Variants in SMARCA2 observed in about 807,000 individuals in gnomAD.
SMARCA2 encodes SWI/SNF related BAF chromatin remodeling complex subunit ATPase 2.
In SMARCA2, 61 loss-of-function variants were observed where a neutral mutation model predicts 199.8. That is an observed-to-expected ratio of 0.31 (90% CI 0.25 to 0.38). SMARCA2 has a LOEUF of 0.38. Ranked by LOEUF, SMARCA2 falls within the 10% of genes least tolerant of loss-of-function variation. SMARCA2 has a pLI of 1.00. For missense variants in SMARCA2, 1,344 were observed against 2,012.2 expected, an observed-to-expected ratio of 0.67 and a Z score of 6.35; for synonymous variants, 935 against 732.0, an observed-to-expected ratio of 1.28 and a Z score of -4.48.
At chr9:2,031,917 G>T (rs1819088594) in intron 2 of SMARCA2, among the ~76,000 whole-genome samples, 1 of 152,180 alleles carries the variant, frequency 6.6e-6, no homozygotes, top group African/African-American at 2.4e-5. Context: ...AAATAAACAA[G>T]TGGCCTAAAT....
chr9:2,081,383 C>A (rs1432683349), intron 14 of SMARCA2, among the ~76,000 whole-genome samples: 1 of 152,206 alleles, frequency 6.6e-6, no homozygotes. Flanking sequence ...GTGTCCCTGG[C>A]TCCCTGGTCA....
At chr9:2,019,058 A>T (rs746132405) in intron 1 of SMARCA2, among the ~76,000 whole-genome samples, 2 of 152,078 alleles carry the variant, frequency 1.3e-5, no homozygotes, top group Non-Finnish European at 2.9e-5. Context: ...CTTCTTTACA[A>T]TGCAAATGTT....
chr9:2,020,040 T>C (rs1818533065), intron 1 of SMARCA2, among the ~76,000 whole-genome samples: 2 of 152,188 alleles, frequency 1.3e-5, no homozygotes, highest in South Asian at 4.1e-4. Context: ...ATTTAACCAC[T>C]TTAAGATTTG....
chr9:2,070,394 A>G, intron 9 of SMARCA2, 24 bp from the exon 10 acceptor site: 1 of 1,609,940 alleles, frequency 6.2e-7, no homozygotes, highest in South Asian at 1.1e-5. Flanking sequence ...GTTACTTATA[A>G]CATTCGACAT....
intron 20 of SMARCA2, 200 bp from the exon 21 acceptor site, chr9:2,097,185 C>CGTAA (rs999951521): frequency 1.9e-6 from 1 of 519,192 alleles, no homozygotes; most frequent in African/African-American, 1.9e-5. Context: ...TTTTTTGTAG[C>CGTAA]GTAAGTTAAT....
intron 3 of SMARCA2, 163 bp downstream of exon 3, chr9:2,033,244 C>G: frequency 1.5e-6 from 1 of 652,294 alleles, no homozygotes; most frequent in Admixed American, 3.3e-5. Context: ...ACCAATACAA[C>G]CTGATGATTT....
rs1315191654 is a variant in SMARCA2, at chr9:2,130,815, G to A, written c.3981+6878G>A. On this transcript the variant is annotated intron_variant, in intron 27 of 33. Transcript: ENST00000349721. ...CATATATTTGCTTCTTTATATGTAA[G>A]AGCAGGCATTCCATCTACCTAAATT... 4.6e-5 allele frequency among the ~76,000 whole-genome samples: 7 copies of A among 152,278 alleles called. No individual in the cohort carries two copies. The East Asian group carries it at 9.6e-4, about 21-fold the overall frequency.
intron 9 of SMARCA2, among the ~76,000 whole-genome samples, chr9:2,063,962 GGAA>G (rs1271572049): frequency 2.6e-5 from 4 of 152,136 alleles, no homozygotes; most frequent in South Asian, 2.1e-4. Flanking sequence ...CCCTTGAAAT[GGAA>G]GAAGAAGAAG....
chr9:2,031,064 A>T (rs897180464), intron 2 of SMARCA2, among the ~76,000 whole-genome samples: 2 of 152,200 alleles, frequency 1.3e-5, no homozygotes, highest in South Asian at 4.1e-4. Flanking sequence ...AATACTGTGT[A>T]AGCACAGATA....
At chr9:2,107,363 G>T (rs1822801679) in intron 23 of SMARCA2, among the ~76,000 whole-genome samples, 1 of 152,194 alleles carries the variant, frequency 6.6e-6, no homozygotes, top group African/African-American at 2.4e-5. Context: ...GTCTCGCTCT[G>T]TCCCCCAGGC....
chr9:2,192,823 G>C lies in SMARCA2; in HGVS notation c.*84G>C. On this transcript the variant is annotated 3_prime_UTR_variant, in exon 34 of 34. Transcript: ENST00000349721. ...ACCCAGTGAGTTCATTTGTCATATA[G>C]GCACTGGGTTGTTTCTATATCATCA... is the stretch of plus-strand genomic sequence containing the variant. 1.0e-6 allele frequency: 1 copy of C among 968,954 alleles called. No homozygotes were observed. Among genetic ancestry groups the C allele is most frequent in the Middle Eastern group, 2.1e-4 (1 of 4,708 alleles). 60.0% of individuals were successfully genotyped at this position (968,954 alleles called of 1,614,324 possible).
Position 2,122,683 on chromosome 9 carries a change from A to C in SMARCA2, c.3763-1036A>C, listed in dbSNP as rs1232563003. Among the ~76,000 whole-genome samples, 3 of 152,228 alleles carry C rather than the reference A, an allele frequency of 2.0e-5. No individual in the cohort carries two copies. The East Asian group carries it at 5.8e-4, about 29-fold the overall frequency. On this transcript the variant is annotated intron_variant, in intron 26 of 33. Coordinates refer to ENST00000349721, the MANE Select transcript of SMARCA2 (RefSeq NM_003070.5). ...TTGGGTTTGCGTAGATATTTCATTT[A>C]CATTTTATCAGTTTTAGCTTTTAAG...
intron 27 of SMARCA2, chr9:2,158,915 G>A (rs1446943259): frequency 6.2e-7 from 1 of 1,609,228 alleles, no homozygotes; most frequent in African/African-American, 1.3e-5. Flanking sequence ...TCTTTGGGGA[G>A]GAGGGAAGAT....
chr9:2,079,820 G>T (rs187415836), intron 14 of SMARCA2: 11 of 152,274 alleles, frequency 7.2e-5, no homozygotes, highest in African/African-American at 2.4e-4. Flanking sequence ...TGAATTATTT[G>T]TGAATAACTT....
chr9:2,141,963 T>TG (rs1257254359), intron 27 of SMARCA2, among the ~76,000 whole-genome samples: 1 of 152,118 alleles, frequency 6.6e-6, no homozygotes, highest in Non-Finnish European at 1.5e-5. Context: ...GACAGCCTCC[T>TG]GGGGGCAGGT....
chr9:2,160,630 TA>T, intron 27 of SMARCA2: 1 of 702,184 alleles, frequency 1.4e-6, no homozygotes, highest in Non-Finnish European at 2.6e-6. Flanking sequence ...GTAATTGCCT[TA>T]TGATTAGAGC....
chr9:2,078,676 A>G (rs1821431829), intron 14 of SMARCA2, among the ~76,000 whole-genome samples: 1 of 151,620 alleles, frequency 6.6e-6, no homozygotes, highest in South Asian at 2.1e-4. Flanking sequence ...CAGGTGCGGT[A>G]GCTCACGCCT....
chr9:2,030,028 A>G (rs762940077), intron 2 of SMARCA2, among the ~76,000 whole-genome samples: 3 of 152,216 alleles, frequency 2.0e-5, no homozygotes, highest in Non-Finnish European at 4.4e-5. Flanking sequence ...AGAAAAATCT[A>G]TGAGGACATT....
intron 14 of SMARCA2, among the ~76,000 whole-genome samples, chr9:2,079,546 A>G (rs1821473950): frequency 6.6e-6 from 1 of 152,214 alleles, no homozygotes; most frequent in African/African-American, 2.4e-5. Flanking sequence ...AGTAAAAATG[A>G]CAAGTAATGC....
Sources: allele counts gnomAD v4.1 joint callset (sites outside exome capture counted in the v4.1 genomes callset), GRCh38; gene constraint gnomAD v4.1.1; transcripts MANE v1.5; gene names NCBI Gene and HGNC (gene_info 2026-07-23, HGNC 2026-07-21).